The following AOX1 variants were observed in gnomAD, a reference collection of about 807,000 sequenced individuals.
AOX1 encodes the protein aldehyde oxidase.
AOX1 carries 153 observed loss-of-function variants against 169.5 expected under a neutral mutation model. The observed-to-expected ratio is 0.90, with a 90% CI of 0.79 to 1.03. The LOEUF (loss-of-function observed/expected upper bound fraction) is 1.03, where lower values mean the gene tolerates loss of function less well. AOX1 is among the 50% of genes least tolerant of loss of function. The pLI is 0.00. For missense variants in AOX1, 1,656 were observed against 1,663.9 expected, an observed-to-expected ratio of 1.00 and a Z score of 0.08; for synonymous variants, 562 against 581.9, an observed-to-expected ratio of 0.97 and a Z score of 0.49.
chr2:200,678,345 T>C (rs1440379492), downstream of AOX1: 1 of 152,374 alleles, frequency 6.6e-6, no homozygotes, highest in East Asian at 1.9e-4. Flanking sequence ...ATTTTAAAAG[T>C]GTATAGCTAC....
At position 200,668,625 on chromosome 2, in the gene AOX1, C is replaced by T. The variant is rs747816576; in HGVS notation, c.3620C>T (p.Ala1207Val). ...PAIDIGQIEG[A>V]FIQGMGLYTI... Reference sequence around the variant, plus strand: ...TTGTTCTTGCCTCAGATTGAAGGTGCATTTATTCAAGGCATGGGACTTTAT... The same window carrying T: ...TTGTTCTTGCCTCAGATTGAAGGTGTATTTATTCAAGGCATGGGACTTTAT... The change falls in exon 33 of 35, where the codon GCA becomes GTA. Residue 1207 changes from alanine to valine, a missense_variant. By Grantham distance (64) the Ala-to-Val change is moderately conservative. Transcript: ENST00000374700. 2 of 1,603,314 alleles carry T rather than the reference C, an allele frequency of 1.2e-6. No homozygotes were observed. The highest frequency in any genetic ancestry group is 1.3e-5 in the African/African-American group (1 of 74,452).
At position 200,670,727 on chromosome 2, in the gene AOX1, C is replaced by G. The variant is rs781443176; in HGVS notation, c.*48C>G. On this transcript the variant is annotated 3_prime_UTR_variant, in exon 35 of 35. Coordinates refer to ENST00000374700, the MANE Select transcript of AOX1 (RefSeq NM_001159.4). The stretch of plus-strand genomic sequence containing the variant: ...AAACAGAGTGCCTCTTCCCAGATGG[C>G]AATCTGTCCTATCTCTGTGCTGGAA... 1.4e-6 allele frequency: 2 copies of G among 1,454,398 alleles called. No individual in the cohort carries two copies. Among genetic ancestry groups the G allele is most frequent in the Non-Finnish European group, 1.9e-6 (2 of 1,037,596 alleles). The allele number at this position is 1,454,398 out of a possible 1,614,324, so 90.1% of individuals were successfully genotyped here. A position where few individuals can be genotyped will look rare whatever the true frequency, so the allele number is the denominator to read the frequency against.
Position 200,655,715 on chromosome 2 carries a change from G to A in AOX1, c.3076-1127G>A, listed in dbSNP as rs141064179. ...ATAGAGGTTTCTGGTTGTCATTCAC[G>A]GGGGTAATGTGAACCTTTGGATACA... On this transcript the variant is annotated intron_variant, in intron 26 of 34. Transcript: ENST00000374700. Among the ~76,000 whole-genome samples, 746 of 152,210 alleles carry A rather than the reference G, an allele frequency of 4.9e-3. 5 individuals are homozygous for A. Among genetic ancestry groups the A allele is most frequent in the African/African-American group, 0.017 (699 of 41,530 alleles).
intron 1 of AOX1, among the ~76,000 whole-genome samples, chr2:200,587,692 A>T (rs1395516850): frequency 1.3e-5 from 2 of 152,182 alleles, no homozygotes; most frequent in African/African-American, 4.8e-5. Context: ...TGAGGGTGAA[A>T]TATGACAATG....
At chr2:200,653,304 G>A (rs879904713) in intron 26 of AOX1, among the ~76,000 whole-genome samples, 1 of 152,214 alleles carries the variant, frequency 6.6e-6, no homozygotes, top group Non-Finnish European at 1.5e-5. Context: ...GAATCAAGGA[G>A]TTTGAGACCA....
Position 200,651,125 on chromosome 2 carries a change from A to G in AOX1, c.2999A>G (p.Asn1000Ser). 6.2e-7 allele frequency: 1 copy of G among 1,614,184 alleles called. No homozygotes were observed. The highest frequency in any genetic ancestry group is 8.5e-7 in the Non-Finnish European group (1 of 1,180,028). Reference sequence around the variant, plus strand: ...GCTGTGGAAAAGTTCAATGCAGAGAATTATTGGAAGAAGAAAGGACTGGCC... The same window carrying G: ...GCTGTGGAAAAGTTCAATGCAGAGAGTTATTGGAAGAAGAAAGGACTGGCC... Reference protein sequence around the residue: ...KVAVEKFNAENYWKKKGLAMV... With the variant: ...KVAVEKFNAESYWKKKGLAMV... The change falls in exon 26 of 35, where the codon AAT becomes AGT. Residue 1000 changes from asparagine (N) to serine (S), a missense_variant. Physicochemically the swap from Asn to Ser is conservative, Grantham distance 46. Coordinates refer to ENST00000374700, the MANE Select transcript of AOX1 (RefSeq NM_001159.4).
At chr2:200,663,572 ACT>A (rs1226325589) in intron 31 of AOX1, among the ~76,000 whole-genome samples, 100 of 105,098 alleles carry the variant, frequency 9.5e-4, no homozygotes, top group Middle Eastern at 4.4e-3. Flanking sequence ...ACACACACAC[ACT>A]CTCTCTCTCT....
Position 200,605,566 on chromosome 2 carries a change from A to T in AOX1, c.845A>T (p.His282Leu). 6.4e-7 allele frequency: 1 copy of T among 1,559,370 alleles called. No individual in the cohort carries two copies. The highest frequency in any genetic ancestry group is 8.7e-7 in the Non-Finnish European group (1 of 1,154,082). Residue 282 changes from histidine (H) to leucine (L), a missense_variant, in exon 10 of 35, where the codon CAC becomes CTC. His to Leu is a moderately conservative substitution (Grantham distance 99, BLOSUM62 -3). Transcript: ENST00000374700. ...GPEVKFKGVFHPVIISPDRIE... is the reference protein window; with the variant it reads ...GPEVKFKGVFLPVIISPDRIE... ...GAAGTGAAATTTAAAGGCGTCTTTC[A>T]CCCAGTTATAATTTCTCCTGATAGA...
intron 31 of AOX1, among the ~76,000 whole-genome samples, chr2:200,664,423 C>G (rs1559262126): frequency 6.6e-6 from 1 of 152,226 alleles, no homozygotes; most frequent in Admixed American, 6.5e-5. Flanking sequence ...CTGTGCCCTG[C>G]CCATATAACT....
At chr2:200,649,812 G>C (rs1482722675) in intron 25 of AOX1, among the ~76,000 whole-genome samples, 3 of 152,194 alleles carry the variant, frequency 2.0e-5, no homozygotes, top group African/African-American at 7.2e-5. Context: ...AGGAAGAGAA[G>C]AAGGACCAGG....
At chr2:200,641,725 G>A (rs1173133843) in intron 24 of AOX1, among the ~76,000 whole-genome samples, 1 of 151,902 alleles carries the variant, frequency 6.6e-6, no homozygotes, top group Non-Finnish European at 1.5e-5. Flanking sequence ...GTAGAGATGG[G>A]TTCTCACTAT....
chr2:200,614,173 G>A (rs6754573), intron 15 of AOX1, among the ~76,000 whole-genome samples: 99,719 of 152,114 alleles, frequency 0.66, 32,785 homozygotes, highest in East Asian at 0.82. Context: ...GAGTTGATCA[G>A]GCTTTTATTT....
downstream of AOX1, among the ~76,000 whole-genome samples, chr2:200,681,937 T>A (rs964592155): frequency 6.6e-6 from 1 of 151,928 alleles, no homozygotes; most frequent in Admixed American, 6.6e-5. Flanking sequence ...TTTTTTTTTT[T>A]ATTATTTGCT....
chr2:200,669,943 C>T (rs2035995473), intron 34 of AOX1, among the ~76,000 whole-genome samples: 1 of 151,964 alleles, frequency 6.6e-6, no homozygotes, highest in Admixed American at 6.6e-5. Context: ...CATCAGCCTG[C>T]CCCTGCTTGG....
intron 13 of AOX1, among the ~76,000 whole-genome samples, chr2:200,611,985 G>A (rs761518132): frequency 5.3e-5 from 8 of 152,098 alleles, no homozygotes; most frequent in Admixed American, 4.6e-4. Flanking sequence ...GATTACAGGT[G>A]TGAGCCACCA....
chr2:200,620,148 G>T (rs1419963426), intron 16 of AOX1, among the ~76,000 whole-genome samples: 1 of 150,984 alleles, frequency 6.6e-6, no homozygotes. Context: ...ATACCAGTTG[G>T]CTTATTGAAT....
chr2:200,643,375 G>GTA (rs750400718), intron 25 of AOX1, among the ~76,000 whole-genome samples: 419 of 140,418 alleles, frequency 3.0e-3, no homozygotes, highest in African/African-American at 3.9e-3. Flanking sequence ...ATATATATGT[G>GTA]TATATATATA....
chr2:200,601,425 A>C (rs2034411479), intron 5 of AOX1, among the ~76,000 whole-genome samples: 1 of 152,204 alleles, frequency 6.6e-6, no homozygotes, highest in African/African-American at 2.4e-5. Context: ...TGTATACTCA[A>C]ACATTTGCTG....
At chr2:200,650,273 C>G (rs1464996916) in intron 25 of AOX1, among the ~76,000 whole-genome samples, 1 of 152,198 alleles carries the variant, frequency 6.6e-6, no homozygotes, top group Non-Finnish European at 1.5e-5. Context: ...AGATGGCTTA[C>G]TAATTTCCAG....
Sources: allele counts gnomAD v4.1 joint callset (sites outside exome capture counted in the v4.1 genomes callset), GRCh38; gene constraint gnomAD v4.1.1; transcripts MANE v1.5; gene names NCBI Gene and HGNC (gene_info 2026-07-23, HGNC 2026-07-21).